The following MRPS25 variants were observed in gnomAD, a reference collection of about 807,000 sequenced individuals.
MRPS25 encodes small ribosomal subunit protein mS25.
In MRPS25, 15 loss-of-function variants were observed where a neutral mutation model predicts 17.3. The ratio of observed to expected loss-of-function variants is 0.87; its 90% CI spans 0.58 to 1.34. The LOEUF (loss-of-function observed/expected upper bound fraction) is 1.34. Among genes scored for constraint, MRPS25 ranks in the 40% most tolerant of loss-of-function variants. The pLI, the probability that MRPS25 is intolerant of heterozygous loss-of-function variation, is 0.00. For missense variants in MRPS25, 225 were observed against 218.6 expected, an observed-to-expected ratio of 1.03 and a Z score of -0.19; for synonymous variants, 94 against 83.3, an observed-to-expected ratio of 1.13 and a Z score of -0.70.
downstream of MRPS25, chr3:15,045,525 G>A (rs1178282959): frequency 6.6e-6 from 1 of 152,530 alleles, no homozygotes; most frequent in Admixed American, 6.6e-5. Context: ...CTCTTGGTTG[G>A]TTTCTGAGAT....
intron 2 of MRPS25, among the ~76,000 whole-genome samples, chr3:15,054,704 C>G (rs1047813266): frequency 6.6e-6 from 1 of 152,018 alleles, no homozygotes; most frequent in Non-Finnish European, 1.5e-5. Context: ...AAAAAAAACT[C>G]TATAAATTGA....
chr3:15,051,580 T>A lies in MRPS25; in HGVS notation c.*861A>T. ...ATAACTAAAGTGACAGTAACATCAG[T>A]GTCCTATGAGGAAAGAACAAGGAAG... On this transcript the variant is annotated 3_prime_UTR_variant, in exon 4 of 4. Transcript: ENST00000253686. 1.0e-6 allele frequency: 1 copy of A among 985,424 alleles called. No individual in the cohort carries two copies. The highest frequency in any genetic ancestry group is 1.2e-6 in the Non-Finnish European group (1 of 829,920). The allele number at this position is 985,424 out of a possible 1,614,324, so 61.0% of individuals were successfully genotyped here.
intron 3 of MRPS25, 41 bp from the exon 4 acceptor site, chr3:15,052,674 T>G: frequency 6.3e-7 from 1 of 1,597,770 alleles, no homozygotes; most frequent in Non-Finnish European, 8.5e-7. Context: ...TTGGCAACTT[T>G]GAGTGGCAGG....
Position 15,059,479 on chromosome 3 carries a change from CA to C in MRPS25, c.135-5del. On this transcript the variant is annotated splice_polypyrimidine_tract_variant and splice_region_variant and intron_variant, in intron 1 of 3. Coordinates refer to ENST00000253686, the MANE Select transcript of MRPS25 (RefSeq NM_022497.5). The stretch of plus-strand genomic sequence containing the variant: ...TATGTTGAAAAACACAAACTTCCTG[CA>C]AAAGGGAAGAAATGAAGCCTATGAA... The C allele has an allele frequency of 6.3e-7, 1 of 1,596,916 alleles. No homozygotes were observed. Among genetic ancestry groups the C allele is most frequent in the South Asian group, 1.1e-5 (1 of 90,228 alleles).
intron 2 of MRPS25, among the ~76,000 whole-genome samples, chr3:15,057,662 T>C (rs2042690597): frequency 1.3e-5 from 2 of 152,232 alleles, no homozygotes; most frequent in Admixed American, 1.3e-4. Context: ...CCTGCAGTGC[T>C]GGGGCATTCT....
Position 15,052,310 on chromosome 3 carries a change from G to T in MRPS25, c.*131C>A, listed in dbSNP as rs1035131674. The T allele has an allele frequency of 8.2e-6, 12 of 1,471,588 alleles. No homozygotes were observed. The highest frequency in any genetic ancestry group is 1.4e-5 in the African/African-American group (1 of 70,794). The allele number at this position is 1,471,588 out of a possible 1,614,324, so 91.2% of individuals were successfully genotyped here. A position where few individuals can be genotyped will look rare whatever the true frequency, so the allele number is the denominator to read the frequency against. On this transcript the variant is annotated 3_prime_UTR_variant, in exon 4 of 4. Transcript: ENST00000253686. Reference sequence around the variant, plus strand: ...ACATCCTTTTACACAGGTGTGTAAAGTCCTTTTAATGCAAAAGGATTTCCA... The same window carrying T: ...ACATCCTTTTACACAGGTGTGTAAATTCCTTTTAATGCAAAAGGATTTCCA...
At chr3:15,061,937 C>T (rs901661776) in intron 1 of MRPS25, among the ~76,000 whole-genome samples, 2 of 146,698 alleles carry the variant, frequency 1.4e-5, no homozygotes, top group African/African-American at 2.6e-5. Flanking sequence ...CCCCTCCGCC[C>T]GGCAGCCGCC....
chr3:15,050,654 A>G lies in MRPS25; in HGVS notation c.*1787T>C, dbSNP rs2125130831. On this transcript the variant is annotated 3_prime_UTR_variant, in exon 4 of 4. Transcript: ENST00000253686. ...CTGTGGAGGAGAGCTTTTTCCACCC[A>G]GCCAAAATGCTGATAGCAGAGAGAC... 1.0e-6 allele frequency: 1 copy of G among 985,438 alleles called. No individual in the cohort carries two copies. Among genetic ancestry groups the G allele is most frequent in the Non-Finnish European group, 1.2e-6 (1 of 829,936 alleles). 61.0% of individuals were successfully genotyped at this position (985,438 alleles called of 1,614,324 possible). A position where few individuals can be genotyped will look rare whatever the true frequency, so the allele number is the denominator to read the frequency against.
intron 1 of MRPS25, among the ~76,000 whole-genome samples, chr3:15,060,452 G>A (rs1346075867): frequency 6.7e-6 from 1 of 150,222 alleles, no homozygotes; most frequent in Non-Finnish European, 1.5e-5. Flanking sequence ...GTTTGAGGTT[G>A]CAGTGAGCCA....
chr3:15,045,505 C>T (rs1199655805), downstream of MRPS25: 1 of 152,654 alleles, frequency 6.6e-6, no homozygotes, highest in Non-Finnish European at 1.5e-5. Flanking sequence ...CTGTTTTGGG[C>T]TTTGAACACC....
intron 2 of MRPS25, among the ~76,000 whole-genome samples, chr3:15,056,332 A>G (rs1184747874): frequency 2.0e-5 from 3 of 152,230 alleles, no homozygotes; most frequent in Non-Finnish European, 4.4e-5. Flanking sequence ...TATACACCCA[A>G]TGGGATGGCC....
rs760262207 is a variant in MRPS25, at chr3:15,051,918, A to G, written c.*523T>C. 3.6e-5 allele frequency: 35 copies of G among 985,426 alleles called. No homozygotes were observed. The highest frequency in any genetic ancestry group is 4.2e-5 in the Non-Finnish European group (35 of 830,068). 61.0% of individuals were successfully genotyped at this position (985,426 alleles called of 1,614,324 possible). ...CAAGGGTAATCAACTGTACTTAAAA[A>G]AGTGAGCACTGCACGAAGGGTTGCC... On this transcript the variant is annotated 3_prime_UTR_variant, in exon 4 of 4. Transcript: ENST00000253686.
Position 15,065,203 on chromosome 3 carries a change from C to A in MRPS25, c.-9G>T. 1 of 1,585,348 alleles carries A rather than the reference C, an allele frequency of 6.3e-7. No homozygotes were observed. ...CGGCCCTTCATGGGCATGGCGGCAACGGTGGCGGGGCCGACCCCACGGGCC... is the reference window on the plus strand; with the variant it reads ...CGGCCCTTCATGGGCATGGCGGCAAAGGTGGCGGGGCCGACCCCACGGGCC... On this transcript the variant is annotated 5_prime_UTR_variant, in exon 1 of 4. Transcript: ENST00000253686.
At chr3:15,052,924 T>C (rs1342126515) in intron 3 of MRPS25, among the ~76,000 whole-genome samples, 3 of 152,184 alleles carry the variant, frequency 2.0e-5, no homozygotes, top group African/African-American at 7.2e-5. Context: ...AATCACAAGA[T>C]AAAGGAGCCT....
Position 15,052,041 on chromosome 3 carries a change from T to C in MRPS25, c.*400A>G, listed in dbSNP as rs2042612662. The C allele has an allele frequency of 5.0e-6, 5 of 1,001,490 alleles. No homozygotes were observed. In the South Asian group the frequency reaches 2.3e-4, roughly 45 times the overall value. The allele number at this position is 1,001,490 out of a possible 1,614,324, so 62.0% of individuals were successfully genotyped here. A position where few individuals can be genotyped will look rare whatever the true frequency, so the allele number is the denominator to read the frequency against. ...AGCCAGACTCAACCACAGCAGCCCT[T>C]ATGTTCTCCAGAGTAGAGCCCAGAG... On this transcript the variant is annotated 3_prime_UTR_variant, in exon 4 of 4. Transcript: ENST00000253686.
In MRPS25 at chr3:15,048,921, C is replaced by A. The variant is rs908109185; in HGVS notation, c.*3520G>T. ...GATTTTCTTGGGACCGTTTCTGTAACCTTTGCCCTTCACAATATAGAAAAT... is the reference window on the plus strand; with the variant it reads ...GATTTTCTTGGGACCGTTTCTGTAAACTTTGCCCTTCACAATATAGAAAAT... On this transcript the variant is annotated 3_prime_UTR_variant, in exon 4 of 4. Coordinates refer to ENST00000253686, the MANE Select transcript of MRPS25 (RefSeq NM_022497.5). The A allele has an allele frequency of 3.3e-5, 5 of 152,634 alleles. No homozygotes were observed. The highest frequency in any genetic ancestry group is 7.3e-5 in the Non-Finnish European group (5 of 68,038). The allele number at this position is 152,634 out of a possible 1,614,324, so 9.5% of individuals were successfully genotyped here.
chr3:15,046,058 A>G (rs1467867447), downstream of MRPS25: 3 of 152,254 alleles, frequency 2.0e-5, no homozygotes, highest in African/African-American at 7.2e-5. Context: ...TTGAGCAAGT[A>G]ATACTTTTCA....
At chr3:15,045,467 C>G (rs1354890319), downstream of MRPS25, 1 of 152,686 alleles carries the variant, frequency 6.5e-6, no homozygotes, top group East Asian at 1.9e-4. Flanking sequence ...CTTTAAGTCC[C>G]CTTGCTGGTG....
At position 15,053,454 on chromosome 3, in the gene MRPS25, C is replaced by T. The variant is rs1353197753; in HGVS notation, c.255G>A (p.Gln85=). ...TCTTGGTCTCCACATCCACCAGGACCTGCTCCCCAGAATCTGGAAACGGAA... is the reference window on the plus strand; with the variant it reads ...TCTTGGTCTCCACATCCACCAGGACTTGCTCCCCAGAATCTGGAAACGGAA... ...FLRFYLDSGE[Q]VLVDVETKSN... The change falls in exon 3 of 4, where the codon CAG becomes CAA. Residue 85 remains glutamine, a synonymous_variant. Coordinates refer to ENST00000253686, the MANE Select transcript of MRPS25 (RefSeq NM_022497.5). 3 of 1,614,216 alleles carry T rather than the reference C, an allele frequency of 1.9e-6. No homozygotes were observed. Among genetic ancestry groups the T allele is most frequent in the East Asian group, 4.5e-5 (2 of 44,884 alleles).
Sources: allele counts gnomAD v4.1 joint callset (sites outside exome capture counted in the v4.1 genomes callset), GRCh38; gene constraint gnomAD v4.1.1; transcripts MANE v1.5; gene names NCBI Gene and HGNC (gene_info 2026-07-23, HGNC 2026-07-21).